The following UBR1 variants were observed in gnomAD, a reference collection of about 807,000 sequenced individuals.
UBR1 encodes the protein ubiquitin protein ligase E3 component n-recognin 1.
Under a neutral mutation model 242.1 loss-of-function variants are expected in UBR1, and 102 were observed. That is an observed-to-expected ratio of 0.42 (90% CI 0.36 to 0.50). UBR1 has a LOEUF of 0.50. Ranked by LOEUF, UBR1 falls within the 20% of genes least tolerant of loss-of-function variation. The pLI, the probability that UBR1 is intolerant of heterozygous loss-of-function variation, is 0.01. For synonymous variants in UBR1, 675 were observed against 684.8 expected, an observed-to-expected ratio of 0.99 and a Z score of 0.22; for missense variants, 1,772 against 2,101.8, an observed-to-expected ratio of 0.84 and a Z score of 3.07.
At chr15:43,001,672 A>G (rs1485079971) in intron 32 of UBR1, among the ~76,000 whole-genome samples, 1 of 152,232 alleles carries the variant, frequency 6.6e-6, no homozygotes, top group African/African-American at 2.4e-5. Flanking sequence ...AATTTCCAAG[A>G]TGTTATACAA....
Position 43,041,497 on chromosome 15 carries a change from C to T in UBR1, c.1849+1718G>A, listed in dbSNP as rs550572704. ...AGGGACCCCCCTATACATTAAATGA[C>T]GAGTTAATGGGTGCAGCATACCAAC... On this transcript the variant is annotated intron_variant, in intron 15 of 46. Coordinates refer to ENST00000290650, the MANE Select transcript of UBR1 (RefSeq NM_174916.3). Among the ~76,000 whole-genome samples the T allele has an allele frequency of 6.9e-4, 105 of 152,010 alleles. No individual in the cohort carries two copies. The South Asian group carries it at 8.9e-3, about 13-fold the overall frequency.
At chr15:43,083,074 A>G (rs1245457431) in intron 2 of UBR1, among the ~76,000 whole-genome samples, 1 of 152,228 alleles carries the variant, frequency 6.6e-6, no homozygotes, top group Non-Finnish European at 1.5e-5. Flanking sequence ...CTATTACATA[A>G]ACAAATATAT....
intron 38 of UBR1, 49 bp downstream of exon 38, chr15:42,977,831 C>A (rs1343339842): frequency 3.4e-6 from 5 of 1,470,922 alleles, no homozygotes; most frequent in Non-Finnish European, 4.8e-6. Context: ...GAGGAAAATA[C>A]AAGAAATTAT....
intron 26 of UBR1, 130 bp from the exon 27 acceptor site, chr15:43,021,505 G>A (rs1223504807): frequency 2.6e-6 from 2 of 775,636 alleles, no homozygotes; most frequent in Non-Finnish European, 4.4e-6. Context: ...GTAAAATGGT[G>A]TAGTATTTGC....
Position 42,958,582 on chromosome 15 carries a change from A to G in UBR1, c.4758-492T>C, listed in dbSNP as rs111320283. Among the ~76,000 whole-genome samples, 13 of 152,354 alleles carry G rather than the reference A, an allele frequency of 8.5e-5. 1 individual carries two copies. The highest frequency in any genetic ancestry group is 2.9e-4 in the African/African-American group (12 of 41,578). ...AAATGAACTTATCAATTAAAAGGCT[A>G]ATATTGATTTAAGAAATGTCAAATT... is the stretch of plus-strand genomic sequence containing the variant. On this transcript the variant is annotated intron_variant, in intron 43 of 46. Coordinates refer to ENST00000290650, the MANE Select transcript of UBR1 (RefSeq NM_174916.3).
intron 15 of UBR1, among the ~76,000 whole-genome samples, chr15:43,042,384 C>T (rs1159615755): frequency 6.6e-6 from 1 of 152,020 alleles, no homozygotes; most frequent in Non-Finnish European, 1.5e-5. Context: ...TGTACTACAA[C>T]ATAAACCTGA....
chr15:43,059,698 T>G lies in UBR1; in HGVS notation c.985+4A>C, dbSNP rs1050419942. On this transcript the variant is annotated splice_donor_region_variant and intron_variant, in intron 8 of 46. Coordinates refer to ENST00000290650, the MANE Select transcript of UBR1 (RefSeq NM_174916.3). ...GAAACAAGAAAAACAGGAGGTATGC[T>G]TACTTGAATAGCTCATAATTTTGTT... 6 of 1,613,868 alleles carry G rather than the reference T, an allele frequency of 3.7e-6. No homozygotes were observed. The Admixed American group carries it at 5.0e-5, about 13-fold the overall frequency.
intron 29 of UBR1, among the ~76,000 whole-genome samples, chr15:43,011,430 G>A (rs1410796319): frequency 6.6e-6 from 1 of 152,138 alleles, no homozygotes; most frequent in African/African-American, 2.4e-5. Flanking sequence ...ATATAAGTCA[G>A]TAAGACAAGA....
chr15:43,036,918 T>C (rs1261580844), intron 17 of UBR1, among the ~76,000 whole-genome samples: 1 of 151,002 alleles, frequency 6.6e-6, no homozygotes, highest in East Asian at 1.9e-4. Context: ...AATACCATTT[T>C]TTTCTTTTTT....
intron 10 of UBR1, 40 bp downstream of exon 10, chr15:43,058,301 C>T: frequency 8.2e-7 from 1 of 1,223,584 alleles, no homozygotes. Flanking sequence ...ATAAAAACTG[C>T]CTATTTCTAT....
chr15:42,963,862 T>C lies in UBR1; in HGVS notation c.4700+73A>G, dbSNP rs2032061662. 1.5e-5 allele frequency: 18 copies of C among 1,212,980 alleles called. No individual in the cohort carries two copies. In the South Asian group the frequency reaches 2.1e-4, roughly 14 times the overall value. 75.1% of individuals were successfully genotyped at this position (1,212,980 alleles called of 1,614,324 possible). ...AATCAGTGCTGATTGAACTAAAAGC[T>C]TAGCAAGTAATTGTAATTTTAAAAT... is the stretch of plus-strand genomic sequence containing the variant. On this transcript the variant is annotated intron_variant, in intron 42 of 46. Transcript: ENST00000290650.
chr15:42,994,608 A>G (rs2032608319), intron 33 of UBR1, among the ~76,000 whole-genome samples: 1 of 152,186 alleles, frequency 6.6e-6, no homozygotes, highest in Non-Finnish European at 1.5e-5. Context: ...GTGAAAATAA[A>G]TAGAAACTGA....
intron 32 of UBR1, 109 bp from the exon 33 acceptor site, chr15:42,998,374 C>A: frequency 1.0e-6 from 1 of 957,948 alleles, no homozygotes; most frequent in Non-Finnish European, 1.6e-6. Flanking sequence ...AAGTTGAGTT[C>A]CTCCAGATTA....
intron 2 of UBR1, among the ~76,000 whole-genome samples, chr15:43,083,284 C>A (rs931311140): frequency 2.6e-5 from 4 of 152,228 alleles, no homozygotes; most frequent in African/African-American, 9.6e-5. Flanking sequence ...TCATCTCTCC[C>A]TTAATAACAA....
chr15:43,104,578 C>T (rs545997917), intron 1 of UBR1, among the ~76,000 whole-genome samples: 1 of 152,190 alleles, frequency 6.6e-6, no homozygotes, highest in Admixed American at 6.5e-5. Context: ...TTTTCCAACT[C>T]CCTCCCTACC....
At chr15:43,094,789 T>TAA (rs1045566962) in intron 1 of UBR1, among the ~76,000 whole-genome samples, 3 of 152,246 alleles carry the variant, frequency 2.0e-5, no homozygotes, top group Admixed American at 6.5e-5. Flanking sequence ...GTGCTGTCTG[T>TAA]AAATATGATA....
intron 1 of UBR1, among the ~76,000 whole-genome samples, chr15:43,095,389 T>C (rs1032745121): frequency 3.3e-5 from 5 of 152,294 alleles, no homozygotes; most frequent in Admixed American, 6.5e-5. Flanking sequence ...TGAGTAACAG[T>C]AGACTCCATT....
chr15:43,031,786 G>A (rs369696337), intron 20 of UBR1, among the ~76,000 whole-genome samples: 1 of 152,200 alleles, frequency 6.6e-6, no homozygotes, highest in Admixed American at 6.5e-5. Flanking sequence ...ACTTTGGGAG[G>A]CCAAGGCAGG....
chr15:43,014,188 A>G (rs1416907211), intron 29 of UBR1, among the ~76,000 whole-genome samples: 3 of 152,202 alleles, frequency 2.0e-5, no homozygotes, highest in African/African-American at 4.8e-5. Context: ...TCAGTGCTCA[A>G]TGGTGCCCAG....
Sources: allele counts gnomAD v4.1 joint callset (sites outside exome capture counted in the v4.1 genomes callset), GRCh38; gene constraint gnomAD v4.1.1; transcripts MANE v1.5; gene names NCBI Gene and HGNC (gene_info 2026-07-23, HGNC 2026-07-21).